The following GOLGA3 variants were observed in gnomAD, a reference collection of about 807,000 sequenced individuals.
The protein encoded by GOLGA3 is golgin A3.
A neutral mutation model predicts 169.4 loss-of-function variants in GOLGA3; 75 were observed. That is an observed-to-expected ratio of 0.44 (90% CI 0.37 to 0.54). GOLGA3 has a LOEUF of 0.54. Ranked by LOEUF, GOLGA3 falls within the 20% of genes least tolerant of loss-of-function variation. GOLGA3 has a pLI of 0.00. For synonymous variants in GOLGA3, 824 were observed against 822.4 expected, an observed-to-expected ratio of 1.00 and a Z score of -0.03; for missense variants, 1,899 against 1,930.0, an observed-to-expected ratio of 0.98 and a Z score of 0.30.
Position 132,775,230 on chromosome 12 carries a change from T to C in GOLGA3, c.4054A>G (p.Lys1352Glu). 1 of 1,613,850 alleles carries C rather than the reference T, an allele frequency of 6.2e-7. No homozygotes were observed. Among genetic ancestry groups the C allele is most frequent in the Non-Finnish European group, 8.5e-7 (1 of 1,179,680 alleles). Residue 1352 changes from lysine to glutamate, a missense_variant, in exon 22 of 24, where the codon AAA (lysine) becomes GAA (glutamate). Lys to Glu is a moderately conservative substitution (Grantham distance 56). Transcript: ENST00000450791. Reference sequence around the variant, plus strand: ...ATGTTGTTCTTCAGCTCCGACACTTTTGCCTGGAGCATAAATTTATCCTTC... The same window carrying C: ...ATGTTGTTCTTCAGCTCCGACACTTCTGCCTGGAGCATAAATTTATCCTTC... The part of the protein sequence containing the change: ...TQKDKFMLQA[K>E]VSELKNNMKT...
intron 18 of GOLGA3, among the ~76,000 whole-genome samples, chr12:132,780,097 A>G (rs1414380910): frequency 9.8e-6 from 1 of 102,132 alleles, no homozygotes; most frequent in Non-Finnish European, 2.0e-5. Flanking sequence ...CAGACATCAC[A>G]CTTGCACGCA....
intron 7 of GOLGA3, 70 bp from the exon 8 acceptor site, chr12:132,802,039 C>T (rs911227637): frequency 4.9e-5 from 61 of 1,233,866 alleles, no homozygotes; most frequent in African/African-American, 3.1e-4. Flanking sequence ...TCCGCGCGTG[C>T]GGGACACAAG....
At chr12:132,779,405 A>C (rs1011724065) in intron 18 of GOLGA3, among the ~76,000 whole-genome samples, 1 of 152,116 alleles carries the variant, frequency 6.6e-6, no homozygotes, top group African/African-American at 2.4e-5. Context: ...AATTAATTCT[A>C]TTTATAAAGA....
rs370513109 is a variant in GOLGA3, at chr12:132,780,758, G to A, written c.3582+40C>T. 1.2e-4 allele frequency: 150 copies of A among 1,258,132 alleles called. No homozygotes were observed. The East Asian group carries it at 1.5e-3, about 12-fold the overall frequency. 77.9% of individuals were successfully genotyped at this position (1,258,132 alleles called of 1,614,324 possible). A position where few individuals can be genotyped will look rare whatever the true frequency, so the allele number is the denominator to read the frequency against. On this transcript the variant is annotated intron_variant, in intron 18 of 23. Transcript: ENST00000450791. ...TGCATAGATTTCTAGGCACTGGAGCGTCCTCTGGAACGCCCTGTGAGACGG... is the reference window on the plus strand; with the variant it reads ...TGCATAGATTTCTAGGCACTGGAGCATCCTCTGGAACGCCCTGTGAGACGG...
In GOLGA3 at chr12:132,821,226, G is replaced by A. The variant is rs538807668; in HGVS notation, c.133+770C>T. Among the ~76,000 whole-genome samples the A allele has an allele frequency of 2.8e-4, 43 of 151,036 alleles. 3 individuals are homozygous for A. The South Asian group carries it at 7.3e-3, about 26-fold the overall frequency. Reference sequence around the variant, plus strand: ...GTTCGTGGCCAGCCTGACCAACATGGAGAAACCTCATCTCTACTAAAAATA... The same window carrying A: ...GTTCGTGGCCAGCCTGACCAACATGAAGAAACCTCATCTCTACTAAAAATA... On this transcript the variant is annotated intron_variant, in intron 2 of 23. Transcript: ENST00000450791.
rs774255106 is a variant in GOLGA3, at chr12:132,784,024, G to A, written c.3267+140C>T. 47 of 1,522,308 alleles carry A rather than the reference G, an allele frequency of 3.1e-5. 2 individuals carry two copies. Among genetic ancestry groups the A allele is most frequent in the South Asian group, 3.7e-5 (3 of 81,998 alleles). The allele number at this position is 1,522,308 out of a possible 1,614,324, so 94.3% of individuals were successfully genotyped here. On this transcript the variant is annotated intron_variant, in intron 16 of 23. Coordinates refer to ENST00000450791, the MANE Select transcript of GOLGA3 (RefSeq NM_001389683.1). Reference sequence around the variant, plus strand: ...CCCCACCACAGAGCCAGAGGCCGACGGTCAGAAGGTGGCAACACCAAAAGT... The same window carrying A: ...CCCCACCACAGAGCCAGAGGCCGACAGTCAGAAGGTGGCAACACCAAAAGT...
chr12:132,783,328 C>T (rs77055232), intron 16 of GOLGA3, among the ~76,000 whole-genome samples: 31,039 of 152,234 alleles, frequency 0.2, 4,097 homozygotes, highest in Non-Finnish European at 0.3. Flanking sequence ...CTCCCCATGG[C>T]CAAGAGCCCA....
intron 23 of GOLGA3, among the ~76,000 whole-genome samples, chr12:132,773,571 G>C (rs909231823): frequency 9.8e-5 from 15 of 152,322 alleles, no homozygotes; most frequent in African/African-American, 3.6e-4. Flanking sequence ...CTGCCCTCGG[G>C]GCGCCGCCTG....
rs2045155647 is a variant in GOLGA3, at chr12:132,775,199, G to T, written c.4085C>A (p.Thr1362Asn). The T allele has an allele frequency of 1.2e-6, 2 of 1,614,032 alleles. No homozygotes were observed. The highest frequency in any genetic ancestry group is 1.7e-5 in the Admixed American group (1 of 60,008). The change falls in exon 22 of 24, where the codon ACC becomes AAC. Residue 1362 changes from threonine (T) to asparagine (N), a missense_variant. By Grantham distance (65) the Thr-to-Asn change is moderately conservative (BLOSUM62 0). Coordinates refer to ENST00000450791, the MANE Select transcript of GOLGA3 (RefSeq NM_001389683.1). ...GAGCTGCTGGTTCTGCTGGAGCAGG[G>T]TCTTCATGTTGTTCTTCAGCTCCGA... is the stretch of plus-strand genomic sequence containing the variant. ...KVSELKNNMK[T>N]LLQQNQQLKL...
rs750377696 is a variant in GOLGA3, at chr12:132,777,753, G to T, written c.3635C>A (p.Ala1212Asp). ...CTTCACCTCACTCAGCTCCAAGGAG[G>T]CCGCCTTGAAGTGGCGGCGGTTATG... The part of the protein sequence containing the change: ...AGHNRRHFKA[A>D]SLELSEVKKE... The change falls in exon 19 of 24, where the codon GCC becomes GAC. Residue 1212 changes from alanine (A) to aspartate (D), a missense_variant. By Grantham distance (126) the Ala-to-Asp change is moderately radical (BLOSUM62 -2). Coordinates refer to ENST00000450791, the MANE Select transcript of GOLGA3 (RefSeq NM_001389683.1). The surrounding 1 kb of genome is among the most constrained non-coding windows in gnomAD (Gnocchi z 4.7). 1 of 1,614,078 alleles carries T rather than the reference G, an allele frequency of 6.2e-7. No homozygotes were observed. The highest frequency in any genetic ancestry group is 8.5e-7 in the Non-Finnish European group (1 of 1,180,004).
chr12:132,790,912 G>A (rs1025313670), intron 12 of GOLGA3, among the ~76,000 whole-genome samples: 4 of 150,322 alleles, frequency 2.7e-5, no homozygotes, highest in Non-Finnish European at 3.0e-5. Flanking sequence ...TTAGCCGGAC[G>A]TGGTGGAGGG....
chr12:132,788,950 G>C (rs1208235990), intron 13 of GOLGA3, 77 bp downstream of exon 13: 164 of 430,428 alleles, frequency 3.8e-4, no homozygotes, highest in East Asian at 5.7e-4. Context: ...CCCCGCCCCA[G>C]ACACAGGCCC....
At chr12:132,773,431 A>ATTT in intron 23 of GOLGA3, 137 bp from the exon 24 acceptor site, 3 of 453,502 alleles carry the variant, frequency 6.6e-6, no homozygotes, top group South Asian at 4.7e-5. Context: ...CTGAGACCAC[A>ATTT]GAAGCTCAGC....
chr12:132,801,869 C>T lies in GOLGA3; in HGVS notation c.1698G>A (p.Ala566=), dbSNP rs771623317. The T allele has an allele frequency of 1.9e-5, 30 of 1,604,868 alleles. No individual in the cohort carries two copies. Among genetic ancestry groups the T allele is most frequent in the Admixed American group, 1.7e-4 (10 of 60,002 alleles). ...GGACACTCTGCAGGGACGAGATCTC[C>T]GCCTGCGACGCCTTCAGCTTGCTGG... ...TLTSKLKASQ[A]EISSLQSVRQ... The change falls in exon 8 of 24, where the codon GCG becomes GCA. Residue 566 remains alanine (A), a synonymous_variant. Transcript: ENST00000450791.
chr12:132,807,695 C>T (rs994697286), intron 5 of GOLGA3, among the ~76,000 whole-genome samples, 196 bp downstream of exon 5: 51 of 152,134 alleles, frequency 3.4e-4, no homozygotes, highest in African/African-American at 1.1e-3. Context: ...TGTTCCAGTG[C>T]GGAGAGCCGT....
chr12:132,775,293 C>G lies in GOLGA3; in HGVS notation c.3991G>C (p.Glu1331Gln), dbSNP rs1350499374. Residue 1331 changes from glutamate to glutamine, a missense_variant, in exon 22 of 24, where the codon GAG becomes CAG. Transcript: ENST00000450791. Reference sequence around the variant, plus strand: ...AGGTCTTCCTGGGCCATCTCCAACTCAGACTTGACGTTCTGTGGAAAATGA... The same window carrying G: ...AGGTCTTCCTGGGCCATCTCCAACTGAGACTTGACGTTCTGTGGAAAATGA... ...LQQLLQNVKS[E>Q]LEMAQEDLSM... The G allele has an allele frequency of 6.2e-7, 1 of 1,608,100 alleles. No homozygotes were observed. The highest frequency in any genetic ancestry group is 1.7e-5 in the Admixed American group (1 of 58,370).
chr12:132,812,546 T>G (rs1277489802), intron 4 of GOLGA3, among the ~76,000 whole-genome samples: 1 of 152,074 alleles, frequency 6.6e-6, no homozygotes, highest in Admixed American at 6.6e-5. Context: ...ATATCAACAT[T>G]AACAGGAGTG....
rs757350304 is a variant in GOLGA3, at chr12:132,789,076, T to C, written c.2762A>G (p.His921Arg). 1 of 1,608,004 alleles carries C rather than the reference T, an allele frequency of 6.2e-7. No homozygotes were observed. Among genetic ancestry groups the C allele is most frequent in the South Asian group, 1.1e-5 (1 of 90,756 alleles). The change falls in exon 13 of 24, where the codon CAT (histidine) becomes CGT (arginine). Residue 921 changes from histidine (H) to arginine (R), a missense_variant. Physicochemically the swap from His to Arg is conservative, Grantham distance 29. Coordinates refer to ENST00000450791, the MANE Select transcript of GOLGA3 (RefSeq NM_001389683.1). ...TCGCTCCTTCTGCGCCGACTGGAGA[T>C]GCCCTTCAAGGTCCGCCATGTGCTG... The part of the protein sequence containing the change: ...VRQHMADLEG[H>R]LQSAQKERDE...
chr12:132,810,347 G>A (rs192587022), intron 4 of GOLGA3, among the ~76,000 whole-genome samples: 1 of 151,236 alleles, frequency 6.6e-6, no homozygotes, highest in Admixed American at 6.6e-5. Flanking sequence ...CTGCTTGCAC[G>A]TGTGGGCGGC....
Sources: gnomAD v4.1 joint callset for allele counts (sites outside exome capture counted in the v4.1 genomes callset) on GRCh38, gnomAD v4.1.1 for gene constraint, Gnocchi (gnomAD v3.1) non-coding constraint, MANE v1.5 for transcripts, NCBI Gene and HGNC (gene_info 2026-07-23, HGNC 2026-07-21) for gene names.